UBAP2: variants seen among roughly 807,000 people sequenced by gnomAD.
UBAP2 encodes ubiquitin associated protein 2.
Under a neutral mutation model 139.6 loss-of-function variants are expected in UBAP2, and 75 were observed. The observed-to-expected ratio is 0.54, with a 90% CI of 0.45 to 0.65. The LOEUF (loss-of-function observed/expected upper bound fraction) is 0.65. Ranked by LOEUF, UBAP2 falls within the 30% of genes least tolerant of loss-of-function variation. The pLI is 0.00. For synonymous variants in UBAP2, 526 were observed against 526.2 expected, an observed-to-expected ratio of 1.00 and a Z score of 0.01; for missense variants, 1,368 against 1,369.6, an observed-to-expected ratio of 1.00 and a Z score of 0.02.
intron 19 of UBAP2, among the ~76,000 whole-genome samples, chr9:33,931,847 G>A (rs1056025445): frequency 2.6e-5 from 4 of 151,852 alleles, no homozygotes; most frequent in Admixed American, 6.6e-5. Flanking sequence ...CTCCAACCTC[G>A]CCCAACACCT....
intron 1 of UBAP2, among the ~76,000 whole-genome samples, chr9:34,040,611 TAAC>T (rs1163901021): frequency 2.0e-5 from 3 of 152,120 alleles, no homozygotes; most frequent in Non-Finnish European, 4.4e-5. Context: ...GTTGCTAACT[TAAC>T]AAAGCAAAAT....
intron 2 of UBAP2, among the ~76,000 whole-genome samples, chr9:34,009,032 G>A (rs1240822610): frequency 2.1e-5 from 3 of 145,508 alleles, no homozygotes; most frequent in Non-Finnish European, 4.5e-5. Context: ...TATCTCTATC[G>A]TTCTTTGCAA....
At chr9:33,930,455 AAAC>A (rs754708465) in intron 19 of UBAP2, among the ~76,000 whole-genome samples, 162 of 152,132 alleles carry the variant, frequency 1.1e-3, no homozygotes, top group African/African-American at 3.1e-3. Flanking sequence ...AACTGTGGGG[AAAC>A]AACAACAACA....
intron 4 of UBAP2, among the ~76,000 whole-genome samples, chr9:33,993,410 TGA>T (rs1210637800): frequency 2.0e-5 from 3 of 152,336 alleles, no homozygotes; most frequent in East Asian, 1.9e-4. Context: ...GCAAACAGTA[TGA>T]GAGACAAGAT....
At chr9:33,953,671 G>A (rs1423943885) in intron 11 of UBAP2, among the ~76,000 whole-genome samples, 197 bp from the exon 12 acceptor site, 2 of 152,062 alleles carry the variant, frequency 1.3e-5, no homozygotes, top group Non-Finnish European at 2.9e-5. Context: ...ACTGAAGCAG[G>A]GTTTTGCAGA....
chr9:33,924,843 C>T (rs1271286758), intron 22 of UBAP2, among the ~76,000 whole-genome samples: 2 of 152,224 alleles, frequency 1.3e-5, no homozygotes, highest in African/African-American at 4.8e-5. Flanking sequence ...CGGCCCATGA[C>T]AGCTTTGAAT....
At chr9:33,999,094 T>C (rs997105461) in intron 2 of UBAP2, among the ~76,000 whole-genome samples, 2 of 152,194 alleles carry the variant, frequency 1.3e-5, no homozygotes, top group Non-Finnish European at 2.9e-5. Flanking sequence ...GACCTAAAGC[T>C]ATTGTTCATC....
chr9:33,949,152 G>A (rs1433899051), intron 12 of UBAP2, among the ~76,000 whole-genome samples: 1 of 151,432 alleles, frequency 6.6e-6, no homozygotes, highest in Non-Finnish European at 1.5e-5. Context: ...GGGCGACAGA[G>A]CAAGACTCCA....
chr9:33,963,392 A>G (rs1827217422), intron 9 of UBAP2, among the ~76,000 whole-genome samples: 1 of 152,246 alleles, frequency 6.6e-6, no homozygotes, highest in Admixed American at 6.5e-5. Flanking sequence ...ATATAACGGA[A>G]AAACTTCAAC....
intron 8 of UBAP2, among the ~76,000 whole-genome samples, chr9:33,969,567 AAG>A (rs1564036133): frequency 1.4e-5 from 1 of 71,512 alleles, no homozygotes; most frequent in African/African-American, 8.1e-5. Context: ...AAAAAAAAGA[AAG>A]AAAGAAAGAA....
At chr9:34,027,861 C>CAA (rs57271542) in intron 1 of UBAP2, among the ~76,000 whole-genome samples, 3 of 129,762 alleles carry the variant, frequency 2.3e-5, no homozygotes, top group Admixed American at 8.1e-5. Flanking sequence ...GACTCCATCT[C>CAA]AAAAAAAAAA....
At chr9:34,019,518 GA>G (rs900595876) in intron 1 of UBAP2, among the ~76,000 whole-genome samples, 1 of 152,126 alleles carries the variant, frequency 6.6e-6, no homozygotes, top group Admixed American at 6.6e-5. Flanking sequence ...GGGGGTAGGG[GA>G]AGAATGGGGA....
At chr9:33,958,949 G>C (rs1826798068) in intron 10 of UBAP2, among the ~76,000 whole-genome samples, 1 of 151,312 alleles carries the variant, frequency 6.6e-6, no homozygotes, top group African/African-American at 2.4e-5. Context: ...AGGAATTCGA[G>C]ACCAGCCTGG....
chr9:33,935,792 T>C lies in UBAP2; in HGVS notation c.1969+47A>G, dbSNP rs760418014. The stretch of plus-strand genomic sequence containing the variant: ...TCACGTGAGCTATCCTCTTCCTCTG[T>C]TTGGTTGGCACCAGCCATGACAAGA... On this transcript the variant is annotated intron_variant, in intron 17 of 28. Coordinates refer to ENST00000379238, the MANE Select transcript of UBAP2 (RefSeq NM_001370062.2). 139 of 1,610,700 alleles carry C rather than the reference T, an allele frequency of 8.6e-5. 2 individuals are homozygous for C. The South Asian group carries it at 1.2e-3, about 14-fold the overall frequency.
intron 1 of UBAP2, among the ~76,000 whole-genome samples, chr9:34,045,300 T>C (rs1051547135): frequency 6.7e-6 from 1 of 150,286 alleles, no homozygotes; most frequent in Non-Finnish European, 1.5e-5. Flanking sequence ...GAGCCGAGAT[T>C]GCACCACTGC....
At chr9:33,948,236 T>G in intron 13 of UBAP2, 138 bp downstream of exon 13, 5 of 675,628 alleles carry the variant, frequency 7.4e-6, no homozygotes, top group Non-Finnish European at 1.2e-5. Context: ...AAGACTGATT[T>G]AACTGAGAAA....
rs747942662 is a variant in UBAP2, at chr9:33,943,517, C to T, written c.1618G>A (p.Glu540Lys). The T allele has an allele frequency of 2.5e-6, 4 of 1,614,196 alleles. No individual in the cohort carries two copies. The South Asian group carries it at 4.4e-5, about 18-fold the overall frequency. Residue 540 changes from glutamate (E) to lysine (K), a missense_variant, in exon 15 of 29, where the codon GAA becomes AAA. Transcript: ENST00000379238. ...GAGAGAGAAGGTTCTGACCCAAATT[C>T]CAGAGCCCCAAACTGCACATTTAAT... is the stretch of plus-strand genomic sequence containing the variant. ...TGLNVQFGAL[E>K]FGSEPSLSEF... is the part of the protein sequence containing the mutation.
At chr9:33,946,778 T>C (rs187279565) in intron 13 of UBAP2, among the ~76,000 whole-genome samples, 1 of 152,314 alleles carries the variant, frequency 6.6e-6, no homozygotes, top group East Asian at 1.9e-4. Context: ...ATTATAGGCA[T>C]GCACCAAACA....
rs912943160 is a variant in UBAP2, at chr9:33,925,063, C to T, written c.2512-779G>A. On this transcript the variant is annotated intron_variant, in intron 22 of 28. Coordinates refer to ENST00000379238, the MANE Select transcript of UBAP2 (RefSeq NM_001370062.2). ...ATACAACAAAGTGTGGAGACAGAGA[C>T]GGCAAAGCACAGTGGAGCTTCGTGG... Among the ~76,000 whole-genome samples, 5 of 152,138 alleles carry T rather than the reference C, an allele frequency of 3.3e-5. No individual in the cohort carries two copies. In the East Asian group the frequency reaches 7.7e-4, roughly 23 times the overall value.
Sources: allele counts gnomAD v4.1 joint callset (sites outside exome capture counted in the v4.1 genomes callset), GRCh38; gene constraint gnomAD v4.1.1; transcripts MANE v1.5; gene names NCBI Gene and HGNC (gene_info 2026-07-23, HGNC 2026-07-21).